NDUFAF5: variants seen among roughly 807,000 people sequenced by gnomAD.
NDUFAF5 encodes the protein NADH:ubiquinone oxidoreductase complex assembly factor 5, also known as arginine-hydroxylase NDUFAF5, mitochondrial.
In NDUFAF5, 34 loss-of-function variants were observed where a neutral mutation model predicts 48.9. The observed-to-expected ratio is 0.70, with a 90% CI of 0.53 to 0.93. The LOEUF (loss-of-function observed/expected upper bound fraction) is 0.93. Among genes scored for constraint, NDUFAF5 ranks in the 40% least tolerant of loss-of-function variants. The pLI is 0.00. For missense variants in NDUFAF5, 428 were observed against 427.5 expected (o/e 1.00, Z -0.01); for synonymous variants, 153 against 150.6 (o/e 1.02, Z -0.12).
intron 8 of NDUFAF5, among the ~76,000 whole-genome samples, chr20:13,809,726 C>T (rs1420007660): frequency 6.6e-6 from 1 of 152,086 alleles, no homozygotes; most frequent in Non-Finnish European, 1.5e-5. Context: ...AAACTAGTCA[C>T]GAGATTAATT....
chr20:13,786,922 T>G (rs1981265796), intron 1 of NDUFAF5, among the ~76,000 whole-genome samples: 1 of 152,224 alleles, frequency 6.6e-6, no homozygotes, highest in Admixed American at 6.5e-5. Flanking sequence ...TACATACTCA[T>G]CTACAATAAA....
chr20:13,792,950 A>G (rs935790097), intron 3 of NDUFAF5, among the ~76,000 whole-genome samples: 8 of 152,184 alleles, frequency 5.3e-5, no homozygotes, highest in African/African-American at 1.7e-4. Context: ...CAGTGTAGTA[A>G]ATTCGGAATG....
rs768566143 is a variant in NDUFAF5 at position 13,785,093 on chromosome 20, C to G, written c.25C>G (p.Arg9Gly). The G allele has an allele frequency of 6.8e-6, 11 of 1,612,778 alleles. No homozygotes were observed. The highest frequency in any genetic ancestry group is 2.2e-5 in the East Asian group (1 of 44,888). ...GATGCTGCGGCCGGCAGGGCTCTGG[C>G]GCTTATGTCGGCGACCTTGGGCGGC... MLRPAGLW[R>G]LCRRPWAARV... is the part of the protein sequence containing the mutation. The change falls in exon 1 of 11, where the codon CGC becomes GGC. Residue 9 changes from arginine (R) to glycine (G), a missense_variant. By Grantham distance (125) the Arg-to-Gly change is moderately radical. Coordinates refer to ENST00000378106, the MANE Select transcript of NDUFAF5 (RefSeq NM_024120.5).
At chr20:13,810,139 A>C (rs1180775256) in intron 8 of NDUFAF5, among the ~76,000 whole-genome samples, 1 of 152,222 alleles carries the variant, frequency 6.6e-6, no homozygotes, top group Non-Finnish European at 1.5e-5. Context: ...AATAGGTGGC[A>C]TTCAAAGCGT....
intron 7 of NDUFAF5, 160 bp downstream of exon 7, chr20:13,801,843 A>G: frequency 3.1e-6 from 2 of 637,384 alleles, no homozygotes; most frequent in South Asian, 1.9e-5. Context: ...GACAATGTTT[A>G]GTTTGTATAA....
At chr20:13,785,561 A>C (rs1024668736) in intron 1 of NDUFAF5, among the ~76,000 whole-genome samples, 1 of 152,172 alleles carries the variant, frequency 6.6e-6, no homozygotes. Context: ...AGAGGGAGAG[A>C]GTGGGAGAGA....
chr20:13,817,479 C>T lies in NDUFAF5; in HGVS notation c.*269C>T. 1 of 561,976 alleles carries T rather than the reference C, an allele frequency of 1.8e-6. No individual in the cohort carries two copies. Among genetic ancestry groups the T allele is most frequent in the Non-Finnish European group, 3.3e-6 (1 of 298,672 alleles). The allele number at this position is 561,976 out of a possible 1,614,324, so 34.8% of individuals were successfully genotyped here. ...CTAAAATATTTGCAAATAATGTTCA[C>T]ATATGTAAATGCCTTGGAAAATATT... On this transcript the variant is annotated 3_prime_UTR_variant, in exon 11 of 11. Coordinates refer to ENST00000378106, the MANE Select transcript of NDUFAF5 (RefSeq NM_024120.5).
At chr20:13,793,472 C>T (rs1041673574) in intron 4 of NDUFAF5, among the ~76,000 whole-genome samples, 2 of 152,202 alleles carry the variant, frequency 1.3e-5, no homozygotes, top group African/African-American at 4.8e-5. Context: ...GCCCCCCCAA[C>T]ACACAACTGT....
At chr20:13,814,830 A>G (rs1986278363) in intron 8 of NDUFAF5, among the ~76,000 whole-genome samples, 1 of 152,228 alleles carries the variant, frequency 6.6e-6, no homozygotes, top group Non-Finnish European at 1.5e-5. Context: ...TATAAGAGTT[A>G]AAACTGGGAG....
intron 7 of NDUFAF5, among the ~76,000 whole-genome samples, chr20:13,805,783 T>G (rs559742927): frequency 4.0e-5 from 6 of 151,620 alleles, no homozygotes; most frequent in Non-Finnish European, 8.8e-5. Flanking sequence ...TAAAAAAAAA[T>G]TTTTTTAAAT....
intron 8 of NDUFAF5, chr20:13,814,381 G>A (rs1986226880): frequency 9.8e-7 from 1 of 1,021,796 alleles, no homozygotes; most frequent in Non-Finnish European, 1.3e-6. Context: ...TAATGGTTGT[G>A]GTGTGTCTCA....
intron 7 of NDUFAF5, among the ~76,000 whole-genome samples, chr20:13,804,279 G>C (rs1187063405): frequency 6.6e-6 from 1 of 152,058 alleles, no homozygotes; most frequent in Non-Finnish European, 1.5e-5. Flanking sequence ...AAGCCAAATA[G>C]TATCTTGGTA....
At chr20:13,791,666 A>G (rs1347885026) in intron 3 of NDUFAF5, among the ~76,000 whole-genome samples, 3 of 152,190 alleles carry the variant, frequency 2.0e-5, no homozygotes, top group Admixed American at 2.0e-4. Context: ...TGTTACAGAG[A>G]GGCTCTTATG....
intron 8 of NDUFAF5, among the ~76,000 whole-genome samples, chr20:13,811,556 G>A (rs755040070): frequency 2.0e-5 from 3 of 152,136 alleles, no homozygotes; most frequent in Non-Finnish European, 4.4e-5. Flanking sequence ...GCAAGCAGGA[G>A]TTAGGAGGAG....
Position 13,817,820 on chromosome 20 carries a change from G to A in NDUFAF5, c.*610G>A, listed in dbSNP as rs1159660720. On this transcript the variant is annotated 3_prime_UTR_variant, in exon 11 of 11. Transcript: ENST00000378106. ...GTCTCTGCACAGTCATCAGTTTATT[G>A]TTAAGCTTTCCTTTGTAATTTCAGG... The A allele has an allele frequency of 4.6e-6, 1 of 216,168 alleles. No individual in the cohort carries two copies. Among genetic ancestry groups the A allele is most frequent in the Non-Finnish European group, 1.1e-5 (1 of 92,058 alleles). 13.4% of individuals were successfully genotyped at this position (216,168 alleles called of 1,614,324 possible).
intron 5 of NDUFAF5, among the ~76,000 whole-genome samples, chr20:13,795,931 A>G (rs1983140071): frequency 6.6e-6 from 1 of 152,268 alleles, no homozygotes; most frequent in Admixed American, 6.5e-5. Flanking sequence ...GCAAGTATAT[A>G]TCAAATAGGT....
chr20:13,800,670 C>T (rs1438504015), intron 6 of NDUFAF5, among the ~76,000 whole-genome samples: 1 of 152,208 alleles, frequency 6.6e-6, no homozygotes, highest in Non-Finnish European at 1.5e-5. Context: ...AATGATTTCT[C>T]TGTAGCTTTT....
chr20:13,807,601 C>A (rs527525779), intron 7 of NDUFAF5, among the ~76,000 whole-genome samples: 1 of 151,030 alleles, frequency 6.6e-6, no homozygotes, highest in South Asian at 2.1e-4. Flanking sequence ...AATACATATT[C>A]TTTAATTTGT....
intron 8 of NDUFAF5, among the ~76,000 whole-genome samples, chr20:13,811,481 G>C (rs1985858390): frequency 6.6e-6 from 1 of 152,054 alleles, no homozygotes; most frequent in Non-Finnish European, 1.5e-5. Flanking sequence ...GGAGTGTAGA[G>C]GAAAACTGAG....
Sources: allele counts gnomAD v4.1 joint callset (sites outside exome capture counted in the v4.1 genomes callset), GRCh38; gene constraint gnomAD v4.1.1; transcripts MANE v1.5; gene names NCBI Gene and HGNC (gene_info 2026-07-23, HGNC 2026-07-21).